The following ODAD2 variants were observed in gnomAD, a reference collection of about 807,000 sequenced individuals.
ODAD2 encodes outer dynein arm-docking complex subunit 2.
Under a neutral mutation model 106.8 loss-of-function variants are expected in ODAD2, and 89 were observed. The ratio of observed to expected loss-of-function variants is 0.83; its 90% CI spans 0.70 to 0.99. ODAD2 has a LOEUF of 0.99. Among genes scored for constraint, ODAD2 ranks in the 50% least tolerant of loss-of-function variants. The pLI, the probability that ODAD2 is intolerant of heterozygous loss-of-function variation, is 0.00. For synonymous variants in ODAD2, 404 were observed against 436.2 expected (o/e 0.93, Z 0.92); for missense variants, 1,168 against 1,238.5 (o/e 0.94, Z 0.85).
chr10:27,982,224 G>T (rs576403502), intron 6 of ODAD2, among the ~76,000 whole-genome samples: 57 of 151,774 alleles, frequency 3.8e-4, no homozygotes, highest in African/African-American at 1.3e-3. Flanking sequence ...ACATATAACT[G>T]CAGTTTGTTA....
intron 18 of ODAD2, among the ~76,000 whole-genome samples, chr10:27,861,385 T>G (rs76970342): frequency 0.015 from 2,213 of 152,336 alleles, 20 homozygotes; most frequent in Non-Finnish European, 0.023. Context: ...CACTCAAAGG[T>G]GACCAAGCAT....
chr10:27,873,135 A>G (rs917419424), intron 17 of ODAD2, among the ~76,000 whole-genome samples: 22 of 149,894 alleles, frequency 1.5e-4, no homozygotes, highest in Admixed American at 2.7e-4. Flanking sequence ...TTTCTAGTTT[A>G]TTTGTGTGGA....
rs1274203266 is a variant in ODAD2 at position 27,969,131 on chromosome 10, G to C, written c.1143-113C>G. 30 of 664,158 alleles carry C rather than the reference G, an allele frequency of 4.5e-5. 1 individual carries two copies. Among genetic ancestry groups the C allele is most frequent in the South Asian group, 1.6e-4 (9 of 55,416 alleles). The allele number at this position is 664,158 out of a possible 1,614,324, so 41.1% of individuals were successfully genotyped here. On this transcript the variant is annotated intron_variant, in intron 8 of 19. Coordinates refer to ENST00000305242, the MANE Select transcript of ODAD2 (RefSeq NM_018076.5). ...TTATTTCCATGTGCTCAAATGATGC[G>C]TGTTCCTGACAAGAGTTCCAGCCTC... is the stretch of plus-strand genomic sequence containing the variant.
chr10:27,887,297 T>C (rs1425490736), intron 17 of ODAD2, among the ~76,000 whole-genome samples: 1 of 151,960 alleles, frequency 6.6e-6, no homozygotes, highest in Non-Finnish European at 1.5e-5. Flanking sequence ...TTCAAGAGGA[T>C]GTAATAATTA....
chr10:27,939,225 C>A (rs1394246231), intron 14 of ODAD2, among the ~76,000 whole-genome samples: 2 of 152,050 alleles, frequency 1.3e-5, no homozygotes, highest in Non-Finnish European at 2.9e-5. Context: ...ATATTAAAAG[C>A]AATATAGAAG....
intron 16 of ODAD2, among the ~76,000 whole-genome samples, chr10:27,916,386 A>C (rs1008416148): frequency 2.0e-5 from 3 of 152,154 alleles, no homozygotes; most frequent in African/African-American, 7.2e-5. Flanking sequence ...TGATTATGAA[A>C]GCTTGGTTAC....
Position 27,885,778 on chromosome 10 carries a change from A to ATATATAT in ODAD2, c.2610+21878_2610+21884dup, listed in dbSNP as rs1842149056. Among the ~76,000 whole-genome samples, 18 of 47,016 alleles carry ATATATAT rather than the reference A, an allele frequency of 3.8e-4. No individual in the cohort carries two copies. The East Asian group carries it at 8.2e-3, about 21-fold the overall frequency. The allele number at this position is 47,016 out of a possible 152,430, so 30.8% of individuals were successfully genotyped here. A position where few individuals can be genotyped will look rare whatever the true frequency, so the allele number is the denominator to read the frequency against. On this transcript the variant is annotated intron_variant, in intron 17 of 19. Coordinates refer to ENST00000305242, the MANE Select transcript of ODAD2 (RefSeq NM_018076.5). Reference sequence around the variant, plus strand: ...ATATATTTTATATATATTATATAAAATATATATTATATATAATATATATAA... The same window carrying ATATATAT: ...ATATATTTTATATATATTATATAAAATATATATTATATATTATATATAATATATATAA...
intron 17 of ODAD2, among the ~76,000 whole-genome samples, chr10:27,905,972 C>A (rs1303307333): frequency 6.6e-6 from 1 of 152,122 alleles, no homozygotes; most frequent in East Asian, 1.9e-4. Context: ...GATTTCATGA[C>A]TAAAACACCA....
intron 17 of ODAD2, among the ~76,000 whole-genome samples, chr10:27,870,385 AGG>A (rs1840773619): frequency 6.6e-6 from 1 of 152,030 alleles, no homozygotes; most frequent in Admixed American, 6.6e-5. Context: ...TTTAAGTTCT[AGG>A]GTACATGTGC....
chr10:27,838,396 AT>A (rs375010189), intron 19 of ODAD2, among the ~76,000 whole-genome samples: 2 of 152,150 alleles, frequency 1.3e-5, no homozygotes, highest in African/African-American at 4.8e-5. Context: ...AATATAATGG[AT>A]TTTTTTCCTG....
At chr10:27,880,271 C>T (rs991445064) in intron 17 of ODAD2, among the ~76,000 whole-genome samples, 2 of 152,140 alleles carry the variant, frequency 1.3e-5, no homozygotes, top group African/African-American at 4.8e-5. Context: ...TAAATTTCAC[C>T]TTGTGAAACT....
rs759770375 is a variant in ODAD2 at position 27,987,554 on chromosome 10, A to G, written c.225-11T>C. On this transcript the variant is annotated splice_polypyrimidine_tract_variant and intron_variant, in intron 2 of 19. Coordinates refer to ENST00000305242, the MANE Select transcript of ODAD2 (RefSeq NM_018076.5). ...TTGACTGTTGTTTCACTAAAAAATA[A>G]AAATAAAAAATTGAAAGCTTCATGC... The G allele has an allele frequency of 1.3e-6, 2 of 1,595,064 alleles. No individual in the cohort carries two copies. Among genetic ancestry groups the G allele is most frequent in the African/African-American group, 1.4e-5 (1 of 73,746 alleles).
intron 17 of ODAD2, among the ~76,000 whole-genome samples, chr10:27,892,586 C>T (rs1436548028): frequency 6.6e-6 from 1 of 152,162 alleles, no homozygotes; most frequent in Non-Finnish European, 1.5e-5. Flanking sequence ...CTATTACATA[C>T]TTGCTTTCTC....
chr10:27,907,109 C>T (rs558733772), intron 17 of ODAD2, among the ~76,000 whole-genome samples: 6 of 152,186 alleles, frequency 3.9e-5, no homozygotes, highest in South Asian at 2.1e-4. Context: ...GAAATAGGCT[C>T]AAAAGTGATC....
rs145790274 is a variant in ODAD2 at position 27,857,661 on chromosome 10, T to C, written c.3021+2964A>G. ...CTGAACACATTAGAAACTGAACTCA[T>C]TATATTTCAGACCCTGCTCCGTCAC... On this transcript the variant is annotated intron_variant, in intron 19 of 19. Transcript: ENST00000305242. Among the ~76,000 whole-genome samples, 130 of 152,322 alleles carry C rather than the reference T, an allele frequency of 8.5e-4. 1 individual carries two copies. Among genetic ancestry groups the C allele is most frequent in the African/African-American group, 2.8e-3 (117 of 41,568 alleles).
Position 27,907,655 on chromosome 10 carries a change from G to A in ODAD2, c.2610+8C>T, listed in dbSNP as rs372647560. ...TCTAGAAGAGACTGACTTGCAGTCC[G>A]TTCTTACCTTTGCATTTTTGATGCA... On this transcript the variant is annotated splice_region_variant and intron_variant, in intron 17 of 19. Transcript: ENST00000305242. 9.4e-6 allele frequency: 15 copies of A among 1,599,432 alleles called. No homozygotes were observed. Among genetic ancestry groups the A allele is most frequent in the African/African-American group, 5.4e-5 (4 of 74,754 alleles).
intron 19 of ODAD2, among the ~76,000 whole-genome samples, chr10:27,836,859 G>T (rs935249912): frequency 1.3e-5 from 2 of 152,112 alleles, no homozygotes; most frequent in South Asian, 4.1e-4. Context: ...ACTTGAAATG[G>T]TGTTGAAACA....
intron 19 of ODAD2, among the ~76,000 whole-genome samples, chr10:27,817,017 T>C (rs1408859425): frequency 6.6e-6 from 1 of 152,194 alleles, no homozygotes; most frequent in Non-Finnish European, 1.5e-5. Flanking sequence ...CCAAAAGTGC[T>C]TGGATTACAG....
intron 17 of ODAD2, among the ~76,000 whole-genome samples, chr10:27,907,014 T>TA (rs886427402): frequency 2.6e-5 from 4 of 151,516 alleles, no homozygotes; most frequent in East Asian, 1.9e-4. Flanking sequence ...GAGTATAATT[T>TA]AAAAAAAAAT....
Sources: allele counts gnomAD v4.1 joint callset (sites outside exome capture counted in the v4.1 genomes callset), GRCh38; gene constraint gnomAD v4.1.1; transcripts MANE v1.5; gene names NCBI Gene and HGNC (gene_info 2026-07-23, HGNC 2026-07-21).